Variants in PDZD2 observed in about 807,000 individuals in gnomAD.
PDZD2 encodes PDZ domain containing 2, also known as PDZ domain-containing protein 2.
A neutral mutation model predicts 220.7 loss-of-function variants in PDZD2; 90 were observed. That is an observed-to-expected ratio of 0.41 (90% confidence interval 0.34 to 0.49). PDZD2 has a LOEUF of 0.49. Ranked by LOEUF, PDZD2 falls within the 20% of genes least tolerant of loss-of-function variation. The pLI, the probability that PDZD2 is intolerant of heterozygous loss-of-function variation, is 0.28. For missense variants in PDZD2, 3,174 were observed against 3,608.5 expected (o/e 0.88, Z 3.08); for synonymous variants, 1,375 against 1,450.5 (o/e 0.95, Z 1.18).
intron 1 of PDZD2, among the ~76,000 whole-genome samples, chr5:31,659,844 G>A (rs373897605): frequency 9.8e-5 from 15 of 152,290 alleles, no homozygotes; most frequent in African/African-American, 3.1e-4. Context: ...TTGGAGGACC[G>A]ATGTTACAAG....
chr5:31,900,416 C>G (rs552641135), intron 2 of PDZD2, among the ~76,000 whole-genome samples: 8 of 152,196 alleles, frequency 5.3e-5, no homozygotes, highest in Non-Finnish European at 1.0e-4. Flanking sequence ...GAAAGTCAGC[C>G]AGCCTTCCTT....
In PDZD2 at chr5:31,969,472, G is replaced by A. The variant is rs575820625; in HGVS notation, c.477-13683G>A. Among the ~76,000 whole-genome samples the A allele has an allele frequency of 1.9e-4, 24 of 125,230 alleles. No homozygotes were observed. The South Asian group carries it at 5.4e-3, about 28-fold the overall frequency. 82.2% of individuals were successfully genotyped at this position (125,230 alleles called of 152,430 possible). On this transcript the variant is annotated intron_variant, in intron 2 of 24. Transcript: ENST00000438447. ...TGCAGTGAGCTGAGATTACACGACT[G>A]TACTCCAGGCTGGGTGACAGAGCAA...
intron 21 of PDZD2, among the ~76,000 whole-genome samples, chr5:32,094,183 A>G (rs1219402141): frequency 1.3e-5 from 2 of 151,962 alleles, no homozygotes; most frequent in Non-Finnish European, 2.9e-5. Context: ...TGTTGTTCAA[A>G]TGTCACCTGT....
chr5:31,977,150 G>A (rs763957515), intron 2 of PDZD2, among the ~76,000 whole-genome samples: 2 of 151,886 alleles, frequency 1.3e-5, no homozygotes, highest in Admixed American at 6.6e-5. Flanking sequence ...CAGCCACAGC[G>A]TCTGGCCCCA....
chr5:31,753,604 T>TA, intron 1 of PDZD2, among the ~76,000 whole-genome samples: 1 of 150,712 alleles, frequency 6.6e-6, no homozygotes, highest in Admixed American at 6.6e-5. Flanking sequence ...CTGTCTCAAA[T>TA]AAATAAATAA....
chr5:31,923,908 A>G (rs773217799), intron 2 of PDZD2, among the ~76,000 whole-genome samples: 2 of 151,990 alleles, frequency 1.3e-5, no homozygotes, highest in Admixed American at 6.6e-5. Flanking sequence ...TGAGAAGAAC[A>G]CTAGAGTCGT....
rs1160111594 is a variant in PDZD2, at chr5:31,689,353, A to ATTTTTT, written c.-361+49931_-361+49936dup. 1.5e-3 allele frequency among the ~76,000 whole-genome samples: 54 copies of ATTTTTT among 35,120 alleles called. 4 individuals carry two copies. Among genetic ancestry groups the ATTTTTT allele is most frequent in the African/African-American group, 7.7e-3 (37 of 4,810 alleles). 23.0% of individuals were successfully genotyped at this position (35,120 alleles called of 152,430 possible). A position where few individuals can be genotyped will look rare whatever the true frequency, so the allele number is the denominator to read the frequency against. ...TACATATACATATATATATATATAT[A>ATTTTTT]TTTTTTTTTTTTTTTTTTTTAAGTC... On this transcript the variant is annotated intron_variant, in intron 1 of 24. Coordinates refer to ENST00000438447, the MANE Select transcript of PDZD2 (RefSeq NM_178140.4).
chr5:31,896,614 G>C (rs2150353743), intron 2 of PDZD2, among the ~76,000 whole-genome samples: 1 of 152,288 alleles, frequency 6.6e-6, no homozygotes, highest in East Asian at 1.9e-4. Context: ...AAGGGTTTCT[G>C]AGTCTTTAGA....
At chr5:31,887,036 A>G (rs559891991) in intron 2 of PDZD2, among the ~76,000 whole-genome samples, 1 of 152,072 alleles carries the variant, frequency 6.6e-6, no homozygotes, top group East Asian at 1.9e-4. Flanking sequence ...GGGTGCAAGA[A>G]CCAGTGCCAG....
At chr5:31,832,016 G>A (rs141429615) in intron 2 of PDZD2, among the ~76,000 whole-genome samples, 213 of 151,094 alleles carry the variant, frequency 1.4e-3, no homozygotes, top group African/African-American at 4.4e-3. Flanking sequence ...CTAATAAAAT[G>A]ATTAAAAATC....
At chr5:31,730,592 G>GTGGTGTGT (rs3222598) in intron 1 of PDZD2, among the ~76,000 whole-genome samples, 5 of 121,244 alleles carry the variant, frequency 4.1e-5, no homozygotes, top group South Asian at 5.7e-4. Flanking sequence ...GTGTGTGTGT[G>GTGGTGTGT]GTGTGTGTGT....
At chr5:31,809,625 C>T (rs1191137970) in intron 2 of PDZD2, among the ~76,000 whole-genome samples, 3 of 152,150 alleles carry the variant, frequency 2.0e-5, no homozygotes, top group Admixed American at 6.6e-5. Flanking sequence ...TTAAGGAAAG[C>T]GTGAGCAGCA....
intron 6 of PDZD2, among the ~76,000 whole-genome samples, chr5:32,022,382 A>G (rs1413080385): frequency 1.6e-5 from 2 of 121,708 alleles, no homozygotes; most frequent in South Asian, 2.6e-4. Flanking sequence ...TTTTTTTTGT[A>G]TTTTAGTAGA....
intron 4 of PDZD2, among the ~76,000 whole-genome samples, chr5:31,997,024 T>C (rs1751691763): frequency 6.6e-6 from 1 of 152,244 alleles, no homozygotes; most frequent in Admixed American, 6.5e-5. Flanking sequence ...TCAGGCAGGC[T>C]CTTGACTGCT....
intron 1 of PDZD2, among the ~76,000 whole-genome samples, chr5:31,655,139 A>G (rs531540415): frequency 6.6e-6 from 1 of 151,532 alleles, no homozygotes; most frequent in Admixed American, 6.6e-5. Context: ...TCTCAGCTTT[A>G]TTTTCTCCAT....
chr5:32,108,053 A>C lies in PDZD2; in HGVS notation c.8438A>C (p.His2813Pro), dbSNP rs1162050742. Residue 2813 changes from histidine to proline, a missense_variant, in exon 25 of 25, where the codon CAC becomes CCC. Physicochemically the swap from His to Pro is moderately conservative, Grantham distance 77. Around this residue, in one of 4 missense-constraint regions of PDZD2, gnomAD observed 631 missense variants for 789.9 expected, o/e 0.80. Coordinates refer to ENST00000438447, the MANE Select transcript of PDZD2 (RefSeq NM_178140.4). Reference sequence around the variant, plus strand: ...GGGAAACCTCTGGTTGGGCTCATGCACTTTGATGCCTGGAATATTATGAAG... The same window carrying C: ...GGGAAACCTCTGGTTGGGCTCATGCCCTTTGATGCCTGGAATATTATGAAG... ...INGKPLVGLM[H>P]FDAWNIMKSV... 6.2e-7 allele frequency: 1 copy of C among 1,610,494 alleles called. No homozygotes were observed. The highest frequency in any genetic ancestry group is 1.3e-5 in the African/African-American group (1 of 74,866).
intron 2 of PDZD2, among the ~76,000 whole-genome samples, chr5:31,900,173 C>A (rs553880120): frequency 3.1e-4 from 47 of 152,294 alleles, no homozygotes; most frequent in African/African-American, 1.1e-3. Context: ...GGTGTATCCT[C>A]ACATGTATCC....
intron 3 of PDZD2, among the ~76,000 whole-genome samples, chr5:31,987,002 G>A (rs2111901967): frequency 6.7e-6 from 1 of 149,238 alleles, no homozygotes; most frequent in African/African-American, 2.5e-5. Context: ...ATAAGCAGAT[G>A]ACTATTTAAA....
intron 18 of PDZD2, among the ~76,000 whole-genome samples, chr5:32,077,028 G>C (rs1741365097): frequency 6.6e-6 from 1 of 152,198 alleles, no homozygotes; most frequent in Admixed American, 6.5e-5. Flanking sequence ...CTTAGCCAAA[G>C]TGAAGTCTTG....
Sources: gnomAD v4.1 joint callset for allele counts (sites outside exome capture counted in the v4.1 genomes callset) on GRCh38, gnomAD v4.1.1 for gene constraint, gnomAD v4.1.1 regional missense constraint, MANE v1.5 for transcripts, NCBI Gene and HGNC (gene_info 2026-07-23, HGNC 2026-07-21) for gene names.